ZFHX3: variants seen among roughly 807,000 people sequenced by gnomAD.
ZFHX3 encodes the protein zinc finger homeobox protein 3.
A neutral mutation model predicts 279.1 loss-of-function variants in ZFHX3; 42 were observed. The ratio of observed to expected loss-of-function variants is 0.15; its 90% CI spans 0.12 to 0.19. The LOEUF is 0.19. Among genes scored for constraint, ZFHX3 ranks in the 10% least tolerant of loss-of-function variants. The probability of loss-of-function intolerance (pLI) is 1.00; values close to 1 mark genes in which losing one functional copy is unlikely to be tolerated. For missense variants in ZFHX3, 4,981 were observed against 4,754.0 expected (o/e 1.05, Z -1.40); for synonymous variants, 2,293 against 1,957.8 (o/e 1.17, Z -4.52).
intron 7 of ZFHX3, chr16:72,808,055 A>G (rs1166893474): frequency 6.6e-6 from 1 of 152,206 alleles, no homozygotes; most frequent in Admixed American, 6.5e-5. Context: ...ACAAACATAT[A>G]TCGTTAGAAA....
intron 1 of ZFHX3, among the ~76,000 whole-genome samples, chr16:72,983,221 G>T (rs1310922877): frequency 2.6e-5 from 4 of 152,172 alleles, no homozygotes; most frequent in Non-Finnish European, 5.9e-5. Context: ...CACCTTCTTA[G>T]TCCAACTGAC....
chr16:73,313,509 G>C (rs529855888), intron 4 of ZFHX3, among the ~76,000 whole-genome samples: 1 of 152,056 alleles, frequency 6.6e-6, no homozygotes, highest in Non-Finnish European at 1.5e-5. Flanking sequence ...CTCTCTTATT[G>C]TCCCTATTTC....
intron 8 of ZFHX3, among the ~76,000 whole-genome samples, chr16:73,090,939 T>C (rs1432226137): frequency 8.2e-6 from 1 of 121,344 alleles, no homozygotes; most frequent in East Asian, 2.1e-4. Context: ...AGGCAAGGCA[T>C]GGTGGCTCAT....
chr16:73,039,868 G>A (rs974181124), intron 1 of ZFHX3, among the ~76,000 whole-genome samples: 2 of 152,132 alleles, frequency 1.3e-5, no homozygotes, highest in African/African-American at 4.8e-5. Flanking sequence ...CCAGGAGCAG[G>A]AGGGGACATC....
intron 3 of ZFHX3, chr16:73,400,449 G>C (rs1322025549): frequency 6.6e-6 from 1 of 152,192 alleles, no homozygotes; most frequent in Non-Finnish European, 1.5e-5. Flanking sequence ...CAGGCAAGTA[G>C]ATCTGTGGCA....
chr16:72,864,500 T>G (rs1597323763), intron 4 of ZFHX3, among the ~76,000 whole-genome samples: 3 of 152,294 alleles, frequency 2.0e-5, no homozygotes. Context: ...TGTGAAAGTA[T>G]TCCCGGGCCA....
intron 2 of ZFHX3, among the ~76,000 whole-genome samples, chr16:73,581,066 G>A (rs2051856137): frequency 6.6e-6 from 1 of 151,944 alleles, no homozygotes; most frequent in South Asian, 2.1e-4. Context: ...GGCCTGTTCA[G>A]TGGACAGATC....
intron 1 of ZFHX3, among the ~76,000 whole-genome samples, chr16:73,785,373 T>G (rs937169374): frequency 6.6e-6 from 1 of 152,232 alleles, no homozygotes; most frequent in Admixed American, 6.5e-5. Context: ...GTGAATAAAT[T>G]TAAATACATC....
At position 73,667,388 on chromosome 16, in the gene ZFHX3, G is replaced by A. The variant is rs563318162; in HGVS notation, c.-1547+12792C>T. 2.6e-5 allele frequency among the ~76,000 whole-genome samples: 4 copies of A among 152,294 alleles called. No homozygotes were observed. The South Asian group carries it at 6.2e-4, about 24-fold the overall frequency. ...AAAGCCACTGTAAATGTTAACATACGCTTTTGTGTGAACATAAGTTTTTAT... is the reference window on the plus strand; with the variant it reads ...AAAGCCACTGTAAATGTTAACATACACTTTTGTGTGAACATAAGTTTTTAT... On this transcript the variant is annotated intron_variant, in intron 2 of 17. Coordinates refer to the ZFHX3 transcript ENST00000641206.
chr16:73,035,067 C>A (rs1170300340), intron 1 of ZFHX3, among the ~76,000 whole-genome samples: 16 of 152,168 alleles, frequency 1.1e-4, no homozygotes, highest in Admixed American at 9.8e-4. Context: ...GCCACCGACC[C>A]TTGTCACTAC....
chr16:73,301,989 C>T (rs1425270791), intron 4 of ZFHX3, among the ~76,000 whole-genome samples: 1 of 152,048 alleles, frequency 6.6e-6, no homozygotes, highest in African/African-American at 2.4e-5. Flanking sequence ...GCAGGTGCGC[C>T]CCAACCTGTG....
intron 3 of ZFHX3, among the ~76,000 whole-genome samples, chr16:72,920,501 G>T (rs943634312): frequency 6.6e-6 from 1 of 151,380 alleles, no homozygotes; most frequent in Admixed American, 6.6e-5. Context: ...CCAACATGGC[G>T]AAACCCCGTC....
chr16:73,382,590 G>C (rs899905052), intron 3 of ZFHX3, among the ~76,000 whole-genome samples: 17 of 152,118 alleles, frequency 1.1e-4, no homozygotes, highest in Admixed American at 1.0e-3. Context: ...AGGAAACCAG[G>C]GAGGCTGGCT....
rs577413863 is a variant in ZFHX3 at position 73,218,324 on chromosome 16, G to A, written c.-1104+38723C>T. ...TCTTAAAATCTCATAACAGAGATGC[G>A]ATGATTAGTCTGTCCAATGAAACTT... On this transcript the variant is annotated intron_variant, in intron 5 of 17. Transcript: ENST00000641206. Among the ~76,000 whole-genome samples, 5 of 152,274 alleles carry A rather than the reference G, an allele frequency of 3.3e-5. No individual in the cohort carries two copies. The South Asian group carries it at 1.0e-3, about 32-fold the overall frequency.
At chr16:73,010,043 A>AAAAAAAAAT (rs1963858694) in intron 1 of ZFHX3, among the ~76,000 whole-genome samples, 1 of 149,374 alleles carries the variant, frequency 6.7e-6, no homozygotes, top group African/African-American at 2.5e-5. Flanking sequence ...AAAAAAAAAA[A>AAAAAAAAAT]CTCATAAAGG....
rs142701794 is a variant in ZFHX3 at position 73,010,310 on chromosome 16, G to A, written c.-50+37442C>T. 1.6e-3 allele frequency among the ~76,000 whole-genome samples: 245 copies of A among 152,208 alleles called. 4 individuals carry two copies. In the East Asian group the frequency reaches 0.039, roughly 24 times the overall value. ...CAAATGGAGTTCAAGACTCTGCACC[G>A]TTCCCCATTCATCCCCACGAGAGGT... is the stretch of plus-strand genomic sequence containing the variant. On this transcript the variant is annotated intron_variant, in intron 1 of 9. Transcript: ENST00000268489.
At chr16:73,588,277 T>C (rs77581607) in intron 2 of ZFHX3, among the ~76,000 whole-genome samples, 5,371 of 152,242 alleles carry the variant, frequency 0.035, 315 homozygotes, top group African/African-American at 0.12. Flanking sequence ...GAAGAAATGA[T>C]ACCACTTTAA....
At chr16:73,548,220 T>C (rs2020151788) in intron 2 of ZFHX3, among the ~76,000 whole-genome samples, 1 of 152,210 alleles carries the variant, frequency 6.6e-6, no homozygotes, top group African/African-American at 2.4e-5. Context: ...ACGGAATCCA[T>C]TTTGGCAAAA....
chr16:73,554,030 G>C (rs930413468), intron 2 of ZFHX3, among the ~76,000 whole-genome samples: 2 of 152,160 alleles, frequency 1.3e-5, no homozygotes, highest in Non-Finnish European at 2.9e-5. Context: ...CAGTACAAGG[G>C]GGGAAATGTA....
Sources: gnomAD v4.1 joint callset for allele counts (sites outside exome capture counted in the v4.1 genomes callset) on GRCh38, gnomAD v4.1.1 for gene constraint, MANE v1.5 for transcripts, NCBI Gene and HGNC (gene_info 2026-07-23, HGNC 2026-07-21) for gene names.